The following DCC variants were observed in gnomAD, a reference collection of about 807,000 sequenced individuals.
DCC encodes the protein DCC netrin 1 receptor.
Under a neutral mutation model 172.5 loss-of-function variants are expected in DCC, and 58 were observed. The observed-to-expected ratio is 0.34, with a 90% CI of 0.27 to 0.42. The LOEUF (loss-of-function observed/expected upper bound fraction) is 0.42. Among genes scored for constraint, DCC ranks in the 10% least tolerant of loss-of-function variants. The pLI is 1.00. For missense variants in DCC, 1,740 were observed against 1,791.0 expected (o/e 0.97, Z 0.51); for synonymous variants, 709 against 644.5 (o/e 1.10, Z -1.52).
At chr18:53,513,164 C>A (rs1003638378) in intron 27 of DCC, among the ~76,000 whole-genome samples, 1 of 151,962 alleles carries the variant, frequency 6.6e-6, no homozygotes, top group Non-Finnish European at 1.5e-5. Flanking sequence ...ATTCAACATT[C>A]TTAAAGAAAA....
rs1342963789 is a variant in DCC, at chr18:52,404,796, A to G, written c.91+63918A>G. Among the ~76,000 whole-genome samples the G allele has an allele frequency of 4.9e-5, 7 of 144,024 alleles. No homozygotes were observed. In the South Asian group the frequency reaches 7.1e-4, roughly 15 times the overall value. The allele number at this position is 144,024 out of a possible 152,430, so 94.5% of individuals were successfully genotyped here. The stretch of plus-strand genomic sequence containing the variant: ...CATCTAGCATTAGGTATATCTCCCA[A>G]TGCTATCCCTCCCCCCTCCCCCCAC... On this transcript the variant is annotated intron_variant, in intron 1 of 28. Coordinates refer to ENST00000442544, the MANE Select transcript of DCC (RefSeq NM_005215.4).
At chr18:52,993,527 CAT>C (rs144775434) in intron 5 of DCC, among the ~76,000 whole-genome samples, 19,705 of 152,082 alleles carry the variant, frequency 0.13, 1,525 homozygotes, top group East Asian at 0.32. Context: ...ATTATTGCCT[CAT>C]GTGGTTGTGA....
At chr18:53,102,050 A>G (rs1358815486) in intron 7 of DCC, among the ~76,000 whole-genome samples, 1 of 152,084 alleles carries the variant, frequency 6.6e-6, no homozygotes, top group Non-Finnish European at 1.5e-5. Flanking sequence ...TAAAGACTCA[A>G]GTCTTGACTC....
intron 15 of DCC, among the ~76,000 whole-genome samples, chr18:53,378,706 G>T (rs1394465): frequency 0.46 from 69,648 of 151,906 alleles, 16,905 homozygotes; most frequent in Non-Finnish European, 0.54. Flanking sequence ...AGCATGTTTT[G>T]ACCTGATTTT....
chr18:52,357,741 C>A (rs1343975537), intron 1 of DCC, among the ~76,000 whole-genome samples: 3 of 151,872 alleles, frequency 2.0e-5, no homozygotes, highest in Non-Finnish European at 4.4e-5. Context: ...TCAAGACCAT[C>A]CTGGCTAACA....
rs559179690 is a variant in DCC at position 52,819,264 on chromosome 18, G to A, written c.412+66890G>A. ...ATCTTCCTCATTGGTTCTAAAATAT[G>A]CTTTCACTGGTAAAATCCAGCAATG... On this transcript the variant is annotated intron_variant, in intron 2 of 28. Coordinates refer to ENST00000442544, the MANE Select transcript of DCC (RefSeq NM_005215.4). Among the ~76,000 whole-genome samples, 3 of 152,210 alleles carry A rather than the reference G, an allele frequency of 2.0e-5. No individual in the cohort carries two copies. In the South Asian group the frequency reaches 6.2e-4, roughly 32 times the overall value.
chr18:52,908,159 T>C (rs150711452), intron 3 of DCC, among the ~76,000 whole-genome samples: 11 of 152,316 alleles, frequency 7.2e-5, no homozygotes, highest in African/African-American at 2.6e-4. Flanking sequence ...TCACAAGTAC[T>C]TCAGCTATGC....
chr18:52,397,845 T>C (rs1257284627), intron 1 of DCC, among the ~76,000 whole-genome samples: 3 of 152,024 alleles, frequency 2.0e-5, no homozygotes, highest in Non-Finnish European at 2.9e-5. Flanking sequence ...AAACTGTTAA[T>C]TGTAGGTGGC....
At chr18:52,806,610 G>A (rs1002163604) in intron 2 of DCC, among the ~76,000 whole-genome samples, 1 of 152,172 alleles carries the variant, frequency 6.6e-6, no homozygotes, top group African/African-American at 2.4e-5. Context: ...TAATGAAGTG[G>A]TTGGGCATTA....
At chr18:53,203,214 TGTGTGTGTGTGTGTGTGTGTGC>T (rs1357318193) in intron 9 of DCC, among the ~76,000 whole-genome samples, 1 of 151,276 alleles carries the variant, frequency 6.6e-6, no homozygotes, top group African/African-American at 2.4e-5. Flanking sequence ...TGTGTGTGTG[TGTGTGTGTGTGTGTGTGTGTGC>T]GTGTGTGTGT....
chr18:52,798,237 C>A, intron 2 of DCC, among the ~76,000 whole-genome samples: 1 of 152,144 alleles, frequency 6.6e-6, no homozygotes, highest in East Asian at 1.9e-4. Flanking sequence ...TAATATCAGG[C>A]TATATCTTAA....
At chr18:52,541,799 G>A (rs2032456858) in intron 1 of DCC, among the ~76,000 whole-genome samples, 1 of 149,598 alleles carries the variant, frequency 6.7e-6, no homozygotes, top group Non-Finnish European at 1.5e-5. Context: ...TATGGCTTTG[G>A]TCTTGTTTTG....
At chr18:53,278,341 T>C (rs1197131903) in intron 12 of DCC, among the ~76,000 whole-genome samples, 1 of 152,112 alleles carries the variant, frequency 6.6e-6, no homozygotes, top group Non-Finnish European at 1.5e-5. Context: ...ATTCACTTTG[T>C]AGGGTAACAT....
intron 15 of DCC, among the ~76,000 whole-genome samples, chr18:53,340,984 C>G (rs1280553959): frequency 6.6e-6 from 1 of 152,186 alleles, no homozygotes; most frequent in Non-Finnish European, 1.5e-5. Context: ...GACCCATTCT[C>G]TCTATAATTG....
intron 5 of DCC, among the ~76,000 whole-genome samples, chr18:52,974,628 G>A (rs549652962): frequency 5.3e-5 from 8 of 152,302 alleles, no homozygotes; most frequent in African/African-American, 1.9e-4. Context: ...AATAGTAACA[G>A]TGTTTTCTGA....
At chr18:52,802,847 AC>A (rs2145230523) in intron 2 of DCC, among the ~76,000 whole-genome samples, 1 of 151,298 alleles carries the variant, frequency 6.6e-6, no homozygotes, top group African/African-American at 2.4e-5. Context: ...TTGACCAGAA[AC>A]CTTGCTAATA....
In DCC at chr18:52,746,221, A is replaced by G. The variant is rs1345482081; in HGVS notation, c.92-5833A>G. Reference sequence around the variant, plus strand: ...TAGCATCTATTTCTAAGAAAAGATGATAGTGGCATGGTTTTCTGGGTTGAT... The same window carrying G: ...TAGCATCTATTTCTAAGAAAAGATGGTAGTGGCATGGTTTTCTGGGTTGAT... On this transcript the variant is annotated intron_variant, in intron 1 of 28. Transcript: ENST00000442544. Among the ~76,000 whole-genome samples, 8 of 152,346 alleles carry G rather than the reference A, an allele frequency of 5.3e-5. 1 individual carries two copies. In the South Asian group the frequency reaches 1.7e-3, roughly 32 times the overall value.
intron 3 of DCC, among the ~76,000 whole-genome samples, chr18:52,918,751 A>T (rs1167649218): frequency 6.6e-6 from 1 of 152,148 alleles, no homozygotes; most frequent in African/African-American, 2.4e-5. Flanking sequence ...AAAGGAGAAA[A>T]ATAAGGCAGA....
At chr18:52,726,558 T>A (rs1157733591) in intron 1 of DCC, among the ~76,000 whole-genome samples, 1 of 152,206 alleles carries the variant, frequency 6.6e-6, no homozygotes, top group Admixed American at 6.5e-5. Flanking sequence ...CCTTCTCTAG[T>A]TATTTGGAAA....
Sources: gnomAD v4.1 joint callset for allele counts (sites outside exome capture counted in the v4.1 genomes callset) on GRCh38, gnomAD v4.1.1 for gene constraint, MANE v1.5 for transcripts, NCBI Gene and HGNC (gene_info 2026-07-23, HGNC 2026-07-21) for gene names.